Variants in PRKN observed in about 807,000 individuals in gnomAD.
PRKN encodes the protein E3 ubiquitin-protein ligase parkin.
Under a neutral mutation model 59.5 loss-of-function variants are expected in PRKN, and 56 were observed. The ratio of observed to expected loss-of-function variants is 0.94; its 90% CI spans 0.76 to 1.18. The LOEUF (loss-of-function observed/expected upper bound fraction) is 1.18, where lower values mean the gene tolerates loss of function less well. Ranked by LOEUF, PRKN falls within the 50% of genes most tolerant of loss-of-function variation. The pLI, the probability that PRKN is intolerant of heterozygous loss-of-function variation, is 0.00. For missense variants in PRKN, 657 were observed against 596.4 expected, an observed-to-expected ratio of 1.10 and a Z score of -1.06; for synonymous variants, 250 against 222.1, an observed-to-expected ratio of 1.13 and a Z score of -1.12.
At chr6:162,305,521 C>T (rs1782181858) in intron 2 of PRKN, among the ~76,000 whole-genome samples, 1 of 152,074 alleles carries the variant, frequency 6.6e-6, no homozygotes, top group Non-Finnish European at 1.5e-5. Flanking sequence ...GAGCTTCGCT[C>T]TTATTTCCAA....
chr6:161,431,185 A>G (rs1788632972), intron 9 of PRKN, among the ~76,000 whole-genome samples: 1 of 151,738 alleles, frequency 6.6e-6, no homozygotes, highest in African/African-American at 2.4e-5. Context: ...ACGTTTTCCC[A>G]TGTATTTAAT....
At chr6:161,492,388 T>A (rs184307642) in intron 9 of PRKN, among the ~76,000 whole-genome samples, 1 of 152,302 alleles carries the variant, frequency 6.6e-6, no homozygotes, top group Non-Finnish European at 1.5e-5. Context: ...AGTAAAAGTT[T>A]CTTTTATGTT....
intron 4 of PRKN, among the ~76,000 whole-genome samples, chr6:162,181,135 C>T (rs985353337): frequency 2.0e-5 from 3 of 152,068 alleles, no homozygotes; most frequent in African/African-American, 7.2e-5. Flanking sequence ...GTGGGCTGAC[C>T]GAGGAACAGA....
intron 6 of PRKN, among the ~76,000 whole-genome samples, chr6:161,862,624 C>G (rs1793949188): frequency 6.6e-6 from 1 of 152,044 alleles, no homozygotes. Context: ...AAAAAGATTC[C>G]TTTTGGTCTA....
intron 6 of PRKN, among the ~76,000 whole-genome samples, chr6:161,850,820 C>T (rs1240491672): frequency 6.6e-6 from 1 of 152,086 alleles, no homozygotes; most frequent in Non-Finnish European, 1.5e-5. Flanking sequence ...CCAATGCTCC[C>T]CATCAGTAAC....
intron 3 of PRKN, among the ~76,000 whole-genome samples, chr6:162,210,375 T>G (rs2128073490): frequency 6.6e-6 from 1 of 152,256 alleles, no homozygotes; most frequent in Non-Finnish European, 1.5e-5. Context: ...GTTCAGCACA[T>G]GTTGTTTATT....
intron 2 of PRKN, among the ~76,000 whole-genome samples, chr6:162,355,738 T>C (rs1017211449): frequency 6.6e-6 from 1 of 152,030 alleles, no homozygotes; most frequent in African/African-American, 2.4e-5. Flanking sequence ...TGGTCAATTT[T>C]GATGGATTCT....
chr6:162,033,877 TA>T (rs1783736114), intron 5 of PRKN, among the ~76,000 whole-genome samples: 2 of 152,118 alleles, frequency 1.3e-5, no homozygotes, highest in African/African-American at 4.8e-5. Flanking sequence ...TGAAAACAAA[TA>T]TTTGTAGAAT....
At chr6:162,020,608 C>T (rs989336894) in intron 5 of PRKN, among the ~76,000 whole-genome samples, 2 of 152,094 alleles carry the variant, frequency 1.3e-5, no homozygotes, top group African/African-American at 4.8e-5. Flanking sequence ...TCAAGCTTAT[C>T]AGCATCTACT....
At chr6:162,633,027 T>A (rs1411378755) in intron 1 of PRKN, among the ~76,000 whole-genome samples, 1 of 152,202 alleles carries the variant, frequency 6.6e-6, no homozygotes, top group Non-Finnish European at 1.5e-5. Context: ...ATATTTAATT[T>A]ATACTTTATG....
intron 5 of PRKN, among the ~76,000 whole-genome samples, chr6:162,041,234 G>T (rs1229338488): frequency 5.3e-5 from 8 of 152,092 alleles, no homozygotes; most frequent in Non-Finnish European, 1.0e-4. Context: ...GCTGTTCCCA[G>T]AGTATAAACC....
chr6:162,280,920 C>T (rs1780868810), intron 2 of PRKN, among the ~76,000 whole-genome samples: 1 of 151,510 alleles, frequency 6.6e-6, no homozygotes, highest in South Asian at 2.1e-4. Flanking sequence ...GAGCTGTTCA[C>T]ATATACACCA....
intron 7 of PRKN, among the ~76,000 whole-genome samples, chr6:161,617,619 A>G (rs1294435046): frequency 6.6e-6 from 1 of 152,230 alleles, no homozygotes; most frequent in African/African-American, 2.4e-5. Context: ...TCAGGGAGGA[A>G]TATAATGACA....
In PRKN at chr6:161,445,485, G is replaced by C. The variant is rs924145624; in HGVS notation, c.1084-58608C>G. Among the ~76,000 whole-genome samples, 1 of 152,180 alleles carries C rather than the reference G, an allele frequency of 6.6e-6. No homozygotes were observed. Among genetic ancestry groups the C allele is most frequent in the Non-Finnish European group, 1.5e-5 (1 of 68,038 alleles). ...CCTCTGAGTGGAATAAGGGAAGACTGTCCTTTCTCCAAGCTTGAAGGAAGA... is the reference window on the plus strand; with the variant it reads ...CCTCTGAGTGGAATAAGGGAAGACTCTCCTTTCTCCAAGCTTGAAGGAAGA... On this transcript the variant is annotated intron_variant, in intron 9 of 11. Transcript: ENST00000366898. The surrounding 1 kb of genome is among the most constrained non-coding windows in gnomAD (Gnocchi z 7.7).
chr6:162,143,407 G>A (rs1047650410), intron 4 of PRKN, among the ~76,000 whole-genome samples: 1 of 152,024 alleles, frequency 6.6e-6, no homozygotes, highest in Non-Finnish European at 1.5e-5. Context: ...GGTGACCTTG[G>A]GAAAATAGCC....
chr6:162,319,764 C>A (rs980720231), intron 2 of PRKN, among the ~76,000 whole-genome samples: 31 of 151,886 alleles, frequency 2.0e-4, no homozygotes, highest in African/African-American at 6.8e-4. Flanking sequence ...AGACAAATTG[C>A]AAGATATTGC....
rs370179659 is a variant in PRKN, at chr6:161,610,492, TACACACAC to T, written c.872-41084_872-41077del. 8.6e-3 allele frequency among the ~76,000 whole-genome samples: 1,208 copies of T among 139,852 alleles called. 8 individuals are homozygous for T. The highest frequency in any genetic ancestry group is 0.035 in the South Asian group (150 of 4,266). The allele number at this position is 139,852 out of a possible 152,430, so 91.7% of individuals were successfully genotyped here. ...GAAAAATGTATATGTATATTAATAA[TACACACAC>T]ACACACACACACACACACACACACA... On this transcript the variant is annotated intron_variant, in intron 7 of 11. Transcript: ENST00000366898.
intron 5 of PRKN, among the ~76,000 whole-genome samples, chr6:161,985,764 C>G (rs891701382): frequency 2.6e-5 from 4 of 152,188 alleles, no homozygotes; most frequent in South Asian, 2.1e-4. Flanking sequence ...CCTTGCCTCA[C>G]TGCCTCCCAC....
rs564375332 is a variant in PRKN at position 161,375,996 on chromosome 6, G to A, written c.1167+10798C>T. ...CAAATAACCGGGGATCTAGATCTCC[G>A]GGAATAATAAATTACACCCATCTCC... On this transcript the variant is annotated intron_variant, in intron 10 of 11. Transcript: ENST00000366898. 3.9e-5 allele frequency among the ~76,000 whole-genome samples: 6 copies of A among 152,292 alleles called. No homozygotes were observed. The South Asian group carries it at 8.3e-4, about 21-fold the overall frequency.
Sources: gnomAD v4.1 joint callset for allele counts (sites outside exome capture counted in the v4.1 genomes callset) on GRCh38, gnomAD v4.1.1 for gene constraint, Gnocchi (gnomAD v3.1) non-coding constraint, MANE v1.5 for transcripts, NCBI Gene and HGNC (gene_info 2026-07-23, HGNC 2026-07-21) for gene names.